Variants in RBFOX1 observed in about 807,000 individuals in gnomAD.
The protein encoded by RBFOX1 is RNA binding fox-1 homolog 1, also known as RNA binding protein fox-1 homolog 1.
In RBFOX1, 8 loss-of-function variants were observed where a neutral mutation model predicts 57.7. The ratio of observed to expected loss-of-function variants is 0.14; its 90% CI spans 0.08 to 0.25. The LOEUF (loss-of-function observed/expected upper bound fraction) is 0.25, where lower values mean the gene tolerates loss of function less well. Among genes scored for constraint, RBFOX1 ranks in the 10% least tolerant of loss-of-function variants. RBFOX1 has a pLI of 1.00. For synonymous variants in RBFOX1, 326 were observed against 222.4 expected, an observed-to-expected ratio of 1.47 and a Z score of -4.15; for missense variants, 611 against 548.5, an observed-to-expected ratio of 1.11 and a Z score of -1.14.
intron 1 of RBFOX1, among the ~76,000 whole-genome samples, chr16:6,031,967 C>G (rs185420360): frequency 6.6e-6 from 1 of 152,268 alleles, no homozygotes; most frequent in East Asian, 1.9e-4. Flanking sequence ...GTAGTCCACC[C>G]CTGAATTGTT....
intron 4 of RBFOX1, among the ~76,000 whole-genome samples, chr16:7,260,120 A>G (rs1010978458): frequency 6.6e-6 from 1 of 152,222 alleles, no homozygotes; most frequent in Admixed American, 6.5e-5. Flanking sequence ...ATCCTTAAGC[A>G]TGAAGGCTTA....
chr16:7,667,554 A>T (rs1342953074), intron 13 of RBFOX1, among the ~76,000 whole-genome samples: 1 of 152,210 alleles, frequency 6.6e-6, no homozygotes, highest in Non-Finnish European at 1.5e-5. Flanking sequence ...ACTTTAAAGA[A>T]AGATTTTGGC....
intron 3 of RBFOX1, among the ~76,000 whole-genome samples, chr16:6,942,301 G>C (rs116658693): frequency 6.6e-6 from 1 of 152,116 alleles, no homozygotes; most frequent in African/African-American, 2.4e-5. Flanking sequence ...ACAAGTTGCT[G>C]AGACCACTGG....
At chr16:6,640,267 ATATAC>A (rs2098476297) in intron 2 of RBFOX1, among the ~76,000 whole-genome samples, 1 of 152,166 alleles carries the variant, frequency 6.6e-6, no homozygotes, top group African/African-American at 2.4e-5. Context: ...CAAGAAGTTG[ATATAC>A]TATTAAGAAC....
rs1337698212 is a variant in RBFOX1 at position 7,712,868 on chromosome 16, C to G, written c.*2123C>G. 2 of 152,222 alleles carry G rather than the reference C, an allele frequency of 1.3e-5. No homozygotes were observed. Among genetic ancestry groups the G allele is most frequent in the African/African-American group, 4.8e-5 (2 of 41,466 alleles). The allele number at this position is 152,222 out of a possible 1,614,324, so 9.4% of individuals were successfully genotyped here. A position where few individuals can be genotyped will look rare whatever the true frequency, so the allele number is the denominator to read the frequency against. ...CCAGAATTTGTATTGTGTTTCGAAT[C>G]ACAAACATAGAATTCTTACTGTGTT... is the stretch of plus-strand genomic sequence containing the variant. On this transcript the variant is annotated 3_prime_UTR_variant, in exon 16 of 16. Transcript: ENST00000550418.
At position 7,167,239 on chromosome 16, in the gene RBFOX1, G is replaced by T. The variant is rs571576145; in HGVS notation, c.27+115141G>T. Among the ~76,000 whole-genome samples, 7 of 151,864 alleles carry T rather than the reference G, an allele frequency of 4.6e-5. No homozygotes were observed. In the East Asian group the frequency reaches 1.4e-3, roughly 29 times the overall value. Reference sequence around the variant, plus strand: ...GACCTTAAGTGATCTGCCAGCTTCTGCCTACCAAAGTGCTGGGATTACAGG... The same window carrying T: ...GACCTTAAGTGATCTGCCAGCTTCTTCCTACCAAAGTGCTGGGATTACAGG... On this transcript the variant is annotated intron_variant, in intron 4 of 15. Coordinates refer to ENST00000550418, the MANE Select transcript of RBFOX1 (RefSeq NM_018723.4).
intron 4 of RBFOX1, among the ~76,000 whole-genome samples, chr16:7,161,968 T>C (rs975628125): frequency 2.6e-5 from 4 of 152,208 alleles, no homozygotes; most frequent in African/African-American, 9.6e-5. Context: ...AATGAACCAC[T>C]AAAAACATAT....
intron 1 of RBFOX1, among the ~76,000 whole-genome samples, chr16:6,201,784 G>A (rs112277545): frequency 3.3e-5 from 5 of 152,020 alleles, no homozygotes; most frequent in African/African-American, 9.6e-5. Context: ...CATGTACCCC[G>A]TACATATGTA....
intron 1 of RBFOX1, among the ~76,000 whole-genome samples, chr16:5,313,033 G>C (rs564959321): frequency 6.6e-6 from 1 of 152,154 alleles, no homozygotes; most frequent in East Asian, 1.9e-4. Context: ...TCAGTGATGA[G>C]ATGTAATTCC....
chr16:7,316,569 T>C (rs1387755543), intron 4 of RBFOX1, among the ~76,000 whole-genome samples: 2 of 152,180 alleles, frequency 1.3e-5, no homozygotes, highest in Non-Finnish European at 2.9e-5. Context: ...CTTTTCTTCA[T>C]GGAGGTTACA....
rs17139895 is a variant in RBFOX1, at chr16:6,338,706, G to C, written c.-64+21649G>C. Reference sequence around the variant, plus strand: ...TTCTAAGACATACAATGGCACTCAAGAGACCTGAAAAAGTTAGTTCTTCTT... The same window carrying C: ...TTCTAAGACATACAATGGCACTCAACAGACCTGAAAAAGTTAGTTCTTCTT... On this transcript the variant is annotated intron_variant, in intron 2 of 15. Coordinates refer to ENST00000550418, the MANE Select transcript of RBFOX1 (RefSeq NM_018723.4). 3.8e-3 allele frequency among the ~76,000 whole-genome samples: 573 copies of C among 152,228 alleles called. 8 individuals carry two copies. Among genetic ancestry groups the C allele is most frequent in the African/African-American group, 0.013 (544 of 41,534 alleles).
At chr16:5,542,190 T>C (rs1008366720) in intron 2 of RBFOX1, among the ~76,000 whole-genome samples, 1 of 151,996 alleles carries the variant, frequency 6.6e-6, no homozygotes, top group Admixed American at 6.6e-5. Context: ...CCTCCCCTTC[T>C]ATGCGCACTC....
chr16:5,463,487 T>A (rs2068854409), intron 1 of RBFOX1, among the ~76,000 whole-genome samples: 1 of 152,132 alleles, frequency 6.6e-6, no homozygotes, highest in Non-Finnish European at 1.5e-5. Context: ...TGCTTAAAGA[T>A]GCATAAAAGT....
At chr16:7,094,064 A>AGG in intron 4 of RBFOX1, among the ~76,000 whole-genome samples, 1 of 150,700 alleles carries the variant, frequency 6.6e-6, no homozygotes, top group Admixed American at 6.7e-5. Context: ...CCAGAGGATC[A>AGG]GAGCAAAACA....
At chr16:6,557,126 CATATACAT>C (rs371997926) in intron 2 of RBFOX1, among the ~76,000 whole-genome samples, 55 of 139,518 alleles carry the variant, frequency 3.9e-4, no homozygotes, top group South Asian at 1.3e-3. Flanking sequence ...TATATACATA[CATATACAT>C]ATATACATAT....
At chr16:5,534,898 C>T (rs770306278) in intron 2 of RBFOX1, among the ~76,000 whole-genome samples, 1 of 152,114 alleles carries the variant, frequency 6.6e-6, no homozygotes, top group African/African-American at 2.4e-5. Context: ...AGATATGGGT[C>T]GCCATATAAA....
At chr16:7,323,285 G>A (rs1032640304) in intron 4 of RBFOX1, among the ~76,000 whole-genome samples, 2 of 152,134 alleles carry the variant, frequency 1.3e-5, no homozygotes, top group South Asian at 2.1e-4. Flanking sequence ...ATTGCCAGAC[G>A]TGCTGGTATG....
At chr16:6,690,249 G>C (rs764675425) in intron 3 of RBFOX1, among the ~76,000 whole-genome samples, 5 of 152,048 alleles carry the variant, frequency 3.3e-5, no homozygotes, top group Non-Finnish European at 7.4e-5. Context: ...GAAGATATTT[G>C]ATTTTATCTT....
intron 4 of RBFOX1, among the ~76,000 whole-genome samples, chr16:7,132,900 A>G (rs777703634): frequency 6.6e-5 from 10 of 152,368 alleles, no homozygotes; most frequent in South Asian, 4.1e-4. Context: ...ACATATGTGC[A>G]TAAAAATTGT....
Sources: gnomAD v4.1 joint callset for allele counts (sites outside exome capture counted in the v4.1 genomes callset) on GRCh38, gnomAD v4.1.1 for gene constraint, MANE v1.5 for transcripts, NCBI Gene and HGNC (gene_info 2026-07-23, HGNC 2026-07-21) for gene names.